ATRNL1: variants seen among roughly 807,000 people sequenced by gnomAD.
The protein encoded by ATRNL1 is attractin-like protein 1.
In ATRNL1, 95 loss-of-function variants were observed where a neutral mutation model predicts 182.7. The ratio of observed to expected loss-of-function variants is 0.52; its 90% CI spans 0.44 to 0.62. The LOEUF (loss-of-function observed/expected upper bound fraction) is 0.62. ATRNL1 is among the 20% of genes least tolerant of loss of function. The probability of loss-of-function intolerance (pLI) is 0.00; values close to 1 mark genes in which losing one functional copy is unlikely to be tolerated. For synonymous variants in ATRNL1, 576 were observed against 568.3 expected, an observed-to-expected ratio of 1.01 and a Z score of -0.19; for missense variants, 1,471 against 1,679.5, an observed-to-expected ratio of 0.88 and a Z score of 2.17.
intron 11 of ATRNL1, among the ~76,000 whole-genome samples, chr10:115,265,995 G>A (rs1851592266): frequency 1.3e-5 from 2 of 151,688 alleles, no homozygotes; most frequent in South Asian, 4.1e-4. Context: ...CAATGAAACT[G>A]TGTAACTGAT....
chr10:115,114,182 A>G (rs577172851), intron 1 of ATRNL1, among the ~76,000 whole-genome samples: 42 of 152,262 alleles, frequency 2.8e-4, no homozygotes, highest in South Asian at 1.7e-3. Context: ...AAGTGATTCT[A>G]AAAAACTAGG....
rs1311903852 is a variant in ATRNL1 at position 115,948,375 on chromosome 10, TA to T, written c.*3600del. 3.3e-5 allele frequency: 5 copies of T among 152,204 alleles called. No individual in the cohort carries two copies. The highest frequency in any genetic ancestry group is 6.5e-5 in the Admixed American group (1 of 15,284). The allele number at this position is 152,204 out of a possible 1,614,324, so 9.4% of individuals were successfully genotyped here. On this transcript the variant is annotated 3_prime_UTR_variant, in exon 29 of 29. Coordinates refer to ENST00000355044, the MANE Select transcript of ATRNL1 (RefSeq NM_207303.4). ...GGTGTCTTATATTTAAAAAAGATTGTAAAATGAAAACTGACCAAATGAACTA... is the reference window on the plus strand; with the variant it reads ...GGTGTCTTATATTTAAAAAAGATTGTAAATGAAAACTGACCAAATGAACTA...
intron 5 of ATRNL1, among the ~76,000 whole-genome samples, chr10:115,146,661 T>C (rs1554879436): frequency 6.6e-6 from 1 of 152,140 alleles, no homozygotes; most frequent in African/African-American, 2.4e-5. Flanking sequence ...CATTCTATTC[T>C]ATACCTCCAT....
At chr10:115,121,223 C>T (rs1554871480) in intron 2 of ATRNL1, among the ~76,000 whole-genome samples, 2 of 152,084 alleles carry the variant, frequency 1.3e-5, no homozygotes, top group African/African-American at 2.4e-5. Flanking sequence ...AGCAATTCTC[C>T]TGCCTCAGCC....
intron 9 of ATRNL1, among the ~76,000 whole-genome samples, chr10:115,223,263 A>G (rs1849541400): frequency 6.6e-6 from 1 of 152,198 alleles, no homozygotes; most frequent in African/African-American, 2.4e-5. Flanking sequence ...CCTGGACGAC[A>G]GAGACTCTGT....
At chr10:115,197,326 A>G (rs1294380279) in intron 8 of ATRNL1, among the ~76,000 whole-genome samples, 6 of 152,172 alleles carry the variant, frequency 3.9e-5, no homozygotes, top group African/African-American at 1.4e-4. Flanking sequence ...ATATTAGAGT[A>G]TGTATTTTTC....
At chr10:115,307,774 A>G (rs1020377455) in intron 17 of ATRNL1, among the ~76,000 whole-genome samples, 5 of 152,188 alleles carry the variant, frequency 3.3e-5, no homozygotes, top group Non-Finnish European at 7.4e-5. Context: ...AGGAAGTACA[A>G]TAGGGACTAG....
intron 8 of ATRNL1, among the ~76,000 whole-genome samples, chr10:115,205,626 T>C (rs1848766367): frequency 6.6e-6 from 1 of 151,904 alleles, no homozygotes; most frequent in South Asian, 2.1e-4. Flanking sequence ...TATTTACTAT[T>C]ATCTCTTTGT....
At chr10:115,592,071 C>T (rs955433958) in intron 26 of ATRNL1, among the ~76,000 whole-genome samples, 4 of 152,090 alleles carry the variant, frequency 2.6e-5, no homozygotes, top group Non-Finnish European at 5.9e-5. Context: ...AGCACAGGAA[C>T]AGAAAACAAA....
chr10:115,285,543 T>C (rs1272498404), intron 14 of ATRNL1, among the ~76,000 whole-genome samples: 1 of 152,118 alleles, frequency 6.6e-6, no homozygotes, highest in Non-Finnish European at 1.5e-5. Flanking sequence ...TATATAAACC[T>C]GTGTTTTGGA....
intron 27 of ATRNL1, among the ~76,000 whole-genome samples, chr10:115,812,645 T>C (rs1555087353): frequency 6.6e-6 from 1 of 151,950 alleles, no homozygotes; most frequent in Non-Finnish European, 1.5e-5. Flanking sequence ...CCCAGCTAAT[T>C]TTTTGCATTT....
Position 115,418,004 on chromosome 10 carries a change from A to G in ATRNL1, c.3270-8246A>G, listed in dbSNP as rs369825510. Reference sequence around the variant, plus strand: ...AAACACCTGATCTCTCAGTGCACACACATTGTTGCATGTCCATAAGCATCA... The same window carrying G: ...AAACACCTGATCTCTCAGTGCACACGCATTGTTGCATGTCCATAAGCATCA... On this transcript the variant is annotated intron_variant, in intron 20 of 28. Transcript: ENST00000355044. 7.6e-4 allele frequency among the ~76,000 whole-genome samples: 116 copies of G among 152,316 alleles called. 2 individuals carry two copies. In the South Asian group the frequency reaches 0.023, roughly 31 times the overall value.
chr10:115,563,855 G>A (rs73375316), intron 26 of ATRNL1, among the ~76,000 whole-genome samples: 1,947 of 152,096 alleles, frequency 0.013, 34 homozygotes, highest in African/African-American at 0.044. Context: ...ATCACTAGCA[G>A]TGGTTCACTA....
intron 26 of ATRNL1, among the ~76,000 whole-genome samples, chr10:115,570,959 A>G (rs1854354760): frequency 6.6e-6 from 1 of 152,158 alleles, no homozygotes. Flanking sequence ...TTTATTCATA[A>G]TTTGAGCAGA....
intron 24 of ATRNL1, among the ~76,000 whole-genome samples, chr10:115,472,169 TA>T (rs1396281990): frequency 6.0e-5 from 9 of 151,068 alleles, no homozygotes; most frequent in Non-Finnish European, 1.3e-4. Flanking sequence ...TCTATGGGTT[TA>T]TTTCTAGCCT....
intron 21 of ATRNL1, 120 bp downstream of exon 21, chr10:115,426,422 T>G (rs1470976027): frequency 1.5e-6 from 1 of 652,640 alleles, no homozygotes; most frequent in African/African-American, 1.9e-5. Flanking sequence ...ATTTCTTAAA[T>G]TTTATAATAC....
intron 24 of ATRNL1, among the ~76,000 whole-genome samples, chr10:115,494,311 T>C (rs1290907822): frequency 6.6e-6 from 1 of 152,206 alleles, no homozygotes; most frequent in Non-Finnish European, 1.5e-5. Flanking sequence ...CTCATCCTGT[T>C]TGGATGCATT....
chr10:115,897,325 C>T (rs1157369333), intron 28 of ATRNL1, among the ~76,000 whole-genome samples: 7 of 151,978 alleles, frequency 4.6e-5, no homozygotes, highest in African/African-American at 1.2e-4. Flanking sequence ...CATGCTCATG[C>T]GTTGTTGGAG....
chr10:115,380,312 T>C (rs1857925986), intron 19 of ATRNL1, among the ~76,000 whole-genome samples: 1 of 152,208 alleles, frequency 6.6e-6, no homozygotes, highest in Non-Finnish European at 1.5e-5. Flanking sequence ...TTCTACAGTA[T>C]TTCATAATAC....
Sources: allele counts gnomAD v4.1 joint callset (sites outside exome capture counted in the v4.1 genomes callset), GRCh38; gene constraint gnomAD v4.1.1; transcripts MANE v1.5; gene names NCBI Gene and HGNC (gene_info 2026-07-23, HGNC 2026-07-21).